The following CCDC148 variants were observed in gnomAD, a reference collection of about 807,000 sequenced individuals.
The protein encoded by CCDC148 is coiled-coil domain containing 148.
CCDC148 carries 89 observed loss-of-function variants against 85.7 expected under a neutral mutation model. The observed-to-expected ratio is 1.04, with a 90% CI of 0.87 to 1.24. CCDC148 has a LOEUF of 1.24. Ranked by LOEUF, CCDC148 falls within the 50% of genes most tolerant of loss-of-function variation. The pLI is 0.00. For synonymous variants in CCDC148, 230 were observed against 213.9 expected, an observed-to-expected ratio of 1.08 and a Z score of -0.66; for missense variants, 692 against 671.7, an observed-to-expected ratio of 1.03 and a Z score of -0.33.
intron 2 of CCDC148, among the ~76,000 whole-genome samples, chr2:158,352,653 C>T (rs1362246637): frequency 6.6e-6 from 1 of 152,168 alleles, no homozygotes; most frequent in Non-Finnish European, 1.5e-5. Flanking sequence ...AAACAGTCTT[C>T]AGGATATTAT....
chr2:158,454,986 A>T (rs1165485259), intron 1 of CCDC148, among the ~76,000 whole-genome samples: 1 of 152,208 alleles, frequency 6.6e-6, no homozygotes, highest in African/African-American at 2.4e-5. Flanking sequence ...AGATTATTGG[A>T]GTAATAATCT....
chr2:158,222,399 C>T (rs1379981202), intron 10 of CCDC148, among the ~76,000 whole-genome samples: 1 of 152,076 alleles, frequency 6.6e-6, no homozygotes, highest in Non-Finnish European at 1.5e-5. Flanking sequence ...CAGTTATTTC[C>T]ATCTTTGACT....
At chr2:158,396,099 T>C (rs981940439) in intron 1 of CCDC148, among the ~76,000 whole-genome samples, 6 of 152,064 alleles carry the variant, frequency 3.9e-5, no homozygotes, top group African/African-American at 1.2e-4. Context: ...TGTTCCAAAA[T>C]TTTTCCCTGA....
At chr2:158,285,173 A>T (rs1690558088) in intron 9 of CCDC148, among the ~76,000 whole-genome samples, 1 of 152,024 alleles carries the variant, frequency 6.6e-6, no homozygotes, top group African/African-American at 2.4e-5. Flanking sequence ...CTGTAATCCC[A>T]GCAACTCAGG....
At chr2:158,453,370 C>T (rs897777545) in intron 1 of CCDC148, among the ~76,000 whole-genome samples, 1 of 152,110 alleles carries the variant, frequency 6.6e-6, no homozygotes, top group Non-Finnish European at 1.5e-5. Flanking sequence ...ATAATATATT[C>T]AGAGGATGGG....
intron 2 of CCDC148, among the ~76,000 whole-genome samples, chr2:158,354,562 G>A (rs1683516935): frequency 6.6e-6 from 1 of 152,146 alleles, no homozygotes; most frequent in African/African-American, 2.4e-5. Context: ...CCAAGAACAG[G>A]ATCTGAAATT....
In CCDC148 at chr2:158,410,076, C is replaced by T. The variant is rs370566447; in HGVS notation, c.25+46339G>A. On this transcript the variant is annotated intron_variant, in intron 1 of 13. Coordinates refer to ENST00000283233, the MANE Select transcript of CCDC148 (RefSeq NM_138803.4). ...ATTATTTTTTCCCTAGTCTTAGGTA[C>T]GTCTTTATCAGCAGCATGAAAACAG... Among the ~76,000 whole-genome samples, 7 of 152,268 alleles carry T rather than the reference C, an allele frequency of 4.6e-5. No homozygotes were observed. The South Asian group carries it at 8.3e-4, about 18-fold the overall frequency.
At chr2:158,256,389 T>C (rs945436097) in intron 9 of CCDC148, among the ~76,000 whole-genome samples, 1 of 151,744 alleles carries the variant, frequency 6.6e-6, no homozygotes, top group African/African-American at 2.4e-5. Context: ...TTTCCTTAGA[T>C]AGAGAGATCA....
chr2:158,288,669 A>G (rs1330860033), intron 9 of CCDC148: 1 of 233,928 alleles, frequency 4.3e-6, no homozygotes, highest in Non-Finnish European at 8.6e-6. Flanking sequence ...ACTTTCCCAC[A>G]TTTTCCCGTC....
At chr2:158,265,878 A>G (rs955019179) in intron 9 of CCDC148, among the ~76,000 whole-genome samples, 1 of 152,078 alleles carries the variant, frequency 6.6e-6, no homozygotes, top group Non-Finnish European at 1.5e-5. Flanking sequence ...TTGGTTGCCT[A>G]AGCCAAGAGC....
intron 1 of CCDC148, among the ~76,000 whole-genome samples, chr2:158,435,816 G>C (rs886627011): frequency 9.2e-5 from 14 of 152,034 alleles, no homozygotes; most frequent in African/African-American, 1.9e-4. Context: ...AAAAAAGCAG[G>C]GGTTGCAATC....
intron 10 of CCDC148, among the ~76,000 whole-genome samples, chr2:158,234,062 G>A (rs1025528232): frequency 6.6e-6 from 1 of 152,004 alleles, no homozygotes. Context: ...TAATATCCCA[G>A]ATACTTGGGA....
chr2:158,331,788 G>T (rs1184777790), intron 7 of CCDC148, among the ~76,000 whole-genome samples: 2 of 152,076 alleles, frequency 1.3e-5, no homozygotes, highest in South Asian at 2.1e-4. Context: ...TTTGATCTTT[G>T]TTGGTTTAAA....
At position 158,234,531 on chromosome 2, in the gene CCDC148, A is replaced by C. The variant is rs139100364; in HGVS notation, c.1252-13818T>G. Among the ~76,000 whole-genome samples the C allele has an allele frequency of 3.4e-3, 515 of 152,318 alleles. 2 individuals are homozygous for C. Among genetic ancestry groups the C allele is most frequent in the African/African-American group, 0.012 (501 of 41,576 alleles). Reference sequence around the variant, plus strand: ...TAAGAAAATAACTAGTAAAAATCTTAAGAATTAAGAAATAAACTTTTAAGA... The same window carrying C: ...TAAGAAAATAACTAGTAAAAATCTTCAGAATTAAGAAATAAACTTTTAAGA... On this transcript the variant is annotated intron_variant, in intron 10 of 13. Coordinates refer to ENST00000283233, the MANE Select transcript of CCDC148 (RefSeq NM_138803.4).
chr2:158,320,797 C>A (rs1456545481), intron 7 of CCDC148, among the ~76,000 whole-genome samples: 1 of 151,986 alleles, frequency 6.6e-6, no homozygotes, highest in East Asian at 1.9e-4. Flanking sequence ...CATATAAAAC[C>A]CAGATTTTTC....
chr2:158,353,287 G>T (rs1683424844), intron 2 of CCDC148, among the ~76,000 whole-genome samples: 1 of 138,724 alleles, frequency 7.2e-6, no homozygotes, highest in Non-Finnish European at 1.6e-5. Flanking sequence ...CTGGCAAATT[G>T]GATAAAGAGT....
chr2:158,283,827 G>GT (rs1432043150), intron 9 of CCDC148, among the ~76,000 whole-genome samples: 1 of 151,962 alleles, frequency 6.6e-6, no homozygotes, highest in Non-Finnish European at 1.5e-5. Context: ...ACATGCACAT[G>GT]TATGTTTATT....
At chr2:158,178,814 T>C in intron 12 of CCDC148, 65 bp downstream of exon 12, 3 of 1,136,600 alleles carry the variant, frequency 2.6e-6, no homozygotes, top group Admixed American at 1.8e-5. Flanking sequence ...AAGAATGCTA[T>C]TAAGAGCACT....
chr2:158,179,105 CA>C (rs1166299761), intron 11 of CCDC148, 109 bp from the exon 12 acceptor site: 2 of 468,572 alleles, frequency 4.3e-6, no homozygotes, highest in Non-Finnish European at 7.1e-6. Flanking sequence ...AGCACTGTCA[CA>C]TTTTTTTTTT....
Sources: gnomAD v4.1 joint callset for allele counts (sites outside exome capture counted in the v4.1 genomes callset) on GRCh38, gnomAD v4.1.1 for gene constraint, MANE v1.5 for transcripts, NCBI Gene and HGNC (gene_info 2026-07-23, HGNC 2026-07-21) for gene names.